The following TRIM66 variants were observed in gnomAD, a reference collection of about 807,000 sequenced individuals.
The protein encoded by TRIM66 is tripartite motif-containing protein 66.
A neutral mutation model predicts 148.2 loss-of-function variants in TRIM66; 99 were observed. That is an observed-to-expected ratio of 0.67 (90% confidence interval 0.57 to 0.79). TRIM66 has a LOEUF of 0.79. Among genes scored for constraint, TRIM66 ranks in the 30% least tolerant of loss-of-function variants. The probability of loss-of-function intolerance (pLI) is 0.00; values close to 1 mark genes in which losing one functional copy is unlikely to be tolerated. For synonymous variants in TRIM66, 616 were observed against 635.9 expected (o/e 0.97, Z 0.47); for missense variants, 1,666 against 1,697.9 (o/e 0.98, Z 0.33).
At chr11:8,632,735 C>T (rs1319980098) in intron 15 of TRIM66, among the ~76,000 whole-genome samples, 1 of 152,146 alleles carries the variant, frequency 6.6e-6, no homozygotes, top group Non-Finnish European at 1.5e-5. Context: ...TGTGGGATTA[C>T]AGGTGTAAGC....
rs981828834 is a variant in TRIM66, at chr11:8,614,698, T to C, written c.*3246A>G. On this transcript the variant is annotated 3_prime_UTR_variant, in exon 25 of 25. Transcript: ENST00000646038. Reference sequence around the variant, plus strand: ...AGGAACAAACAAGGAGGCGCCTCCGTCTTAGCAGCCAGGCAAGGAGCTGTT... The same window carrying C: ...AGGAACAAACAAGGAGGCGCCTCCGCCTTAGCAGCCAGGCAAGGAGCTGTT... 2 of 152,668 alleles carry C rather than the reference T, an allele frequency of 1.3e-5. No homozygotes were observed. Among genetic ancestry groups the C allele is most frequent in the African/African-American group, 4.8e-5 (2 of 41,456 alleles). 9.5% of individuals were successfully genotyped at this position (152,668 alleles called of 1,614,324 possible). A position where few individuals can be genotyped will look rare whatever the true frequency, so the allele number is the denominator to read the frequency against.
intron 6 of TRIM66, 162 bp downstream of exon 6, chr11:8,671,624 A>G: frequency 1.7e-6 from 1 of 596,028 alleles, no homozygotes; most frequent in East Asian, 2.8e-5. Context: ...CATCAAGAGG[A>G]TTCACTCTGT....
chr11:8,668,713 G>A (rs1448594847), intron 6 of TRIM66, among the ~76,000 whole-genome samples: 1 of 151,962 alleles, frequency 6.6e-6, no homozygotes, highest in Non-Finnish European at 1.5e-5. Flanking sequence ...AGCCTCCCGA[G>A]TAGCTGGGAT....
Position 8,621,157 on chromosome 11 carries a change from TG to T in TRIM66, c.3419del (p.Pro1140GlnfsTer4). The T allele has an allele frequency of 1.3e-6, 2 of 1,551,660 alleles. No individual in the cohort carries two copies. The highest frequency in any genetic ancestry group is 1.7e-6 in the Non-Finnish European group (2 of 1,146,976). On this transcript the variant is annotated frameshift_variant, in exon 20 of 25. Transcript: ENST00000646038. LOFTEE classifies it high-confidence loss of function. ...PRTPGAKKGP[P>X]APIENEDFCA... Reference sequence around the variant, plus strand: ...AGAAGTCCTCATTCTCTATTGGGGCTGGGGGGCCCTTCTTGGCTCCTGGGGT... The same window carrying T: ...AGAAGTCCTCATTCTCTATTGGGGCTGGGGGCCCTTCTTGGCTCCTGGGGT...
intron 18 of TRIM66, 94 bp downstream of exon 18, chr11:8,622,722 T>C (rs1419426287): frequency 1.7e-6 from 2 of 1,194,894 alleles, no homozygotes; most frequent in Non-Finnish European, 2.4e-6. Context: ...TTTCTTCCAC[T>C]TGTAGTTAAT....
intron 6 of TRIM66, among the ~76,000 whole-genome samples, chr11:8,666,544 T>C (rs558250828): frequency 4.6e-5 from 7 of 152,120 alleles, no homozygotes; most frequent in African/African-American, 1.4e-4. Context: ...AAACGAGGCA[T>C]AGTACAGAAG....
chr11:8,621,004 G>T, intron 20 of TRIM66, 28 bp downstream of exon 20: 1 of 1,543,720 alleles, frequency 6.5e-7, no homozygotes, highest in Non-Finnish European at 8.8e-7. Context: ...TACTAGCCAG[G>T]TGATGGTCCT....
intron 11 of TRIM66, 42 bp downstream of exon 11, chr11:8,646,405 G>T: frequency 6.6e-7 from 1 of 1,506,722 alleles, no homozygotes; most frequent in Non-Finnish European, 9.0e-7. Context: ...ATATATGGAT[G>T]GTTTCTGAAC....
rs1000855321 is a variant in TRIM66, at chr11:8,618,821, T to C, written c.4048A>G (p.Thr1350Ala). 7 of 1,550,558 alleles carry C rather than the reference T, an allele frequency of 4.5e-6. No homozygotes were observed. The African/African-American group carries it at 5.5e-5, about 12-fold the overall frequency. ...EEVSSESGCS[T>A]PQGFPWPPYM... ...GGAGGCCACGGGAAGCCCTGGGGAG[T>C]GGAACATCCACTCTCACTAGACACC... Residue 1350 changes from threonine to alanine, a missense_variant, in exon 24 of 25, where the codon ACT becomes GCT. By Grantham distance (58) the Thr-to-Ala change is moderately conservative (BLOSUM62 0). Transcript: ENST00000646038.
chr11:8,621,435 G>C (rs1036773751), intron 19 of TRIM66, 114 bp from the exon 20 acceptor site: 1 of 1,399,422 alleles, frequency 7.1e-7, no homozygotes, highest in Non-Finnish European at 9.4e-7. Flanking sequence ...CTTATTCCAG[G>C]ACCCCAAGCC....
chr11:8,647,004 T>C lies in TRIM66; in HGVS notation c.843-443A>G, dbSNP rs138326262. 6.6e-3 allele frequency among the ~76,000 whole-genome samples: 1,001 copies of C among 150,798 alleles called. 6 individuals carry two copies. The highest frequency in any genetic ancestry group is 0.036 in the Middle Eastern group (10 of 280). ...AATGGAGAGTGACTAATAATGTTTA[T>C]ATTATTGGCATAATAACATATTATA... On this transcript the variant is annotated intron_variant, in intron 10 of 24. Transcript: ENST00000646038.
At chr11:8,643,890 C>G (rs1184113852) in intron 12 of TRIM66, among the ~76,000 whole-genome samples, 2 of 152,180 alleles carry the variant, frequency 1.3e-5, no homozygotes, top group Non-Finnish European at 2.9e-5. Context: ...TCCTATTTAT[C>G]CAGGGCTTTG....
chr11:8,671,841 C>G lies in TRIM66; in HGVS notation c.285G>C (p.Gln95His). The G allele has an allele frequency of 2.0e-6, 3 of 1,533,386 alleles. No individual in the cohort carries two copies. The highest frequency in any genetic ancestry group is 2.6e-6 in the Non-Finnish European group (3 of 1,144,362). 95.0% of individuals were successfully genotyped at this position (1,533,386 alleles called of 1,614,324 possible). Residue 95 changes from glutamine (Q) to histidine (H), a missense_variant, in exon 6 of 25, where the codon CAG (glutamine) becomes CAC (histidine). By Grantham distance (24) the Gln-to-His change is conservative (BLOSUM62 0). Around this residue, in one of 3 missense-constraint regions of TRIM66, gnomAD observed 1,431 missense variants for 1,412.4 expected, o/e 1.01. Transcript: ENST00000646038. The stretch of plus-strand genomic sequence containing the variant: ...TCTGCCCTAGCTCCTGTATCAAGCC[C>G]TGGAAGCAGTCCTTACGGAGCAAAT... ...CQHLLRKDCF[Q>H]GLIQELGQIA...
At chr11:8,658,968 T>C in intron 6 of TRIM66, 1 of 219,672 alleles carries the variant, frequency 4.6e-6, no homozygotes, top group Non-Finnish European at 7.7e-6. Context: ...GACACACATT[T>C]ACGATGCACA....
chr11:8,661,996 T>C (rs1360190669), intron 6 of TRIM66, among the ~76,000 whole-genome samples: 1 of 152,158 alleles, frequency 6.6e-6, no homozygotes, highest in Non-Finnish European at 1.5e-5. Context: ...CTCCCAGTAA[T>C]GGGTCCTGTT....
chr11:8,618,674 C>T, intron 24 of TRIM66, 76 bp downstream of exon 24: 1 of 1,358,984 alleles, frequency 7.4e-7, no homozygotes, highest in Non-Finnish European at 1.0e-6. Flanking sequence ...AACAGCTTCA[C>T]CTTAGGTTCT....
intron 18 of TRIM66, 25 bp from the exon 19 acceptor site, chr11:8,621,844 G>C: frequency 1.3e-6 from 2 of 1,512,856 alleles, no homozygotes; most frequent in Non-Finnish European, 1.8e-6. Context: ...ACACCCCGGG[G>C]TCTTGGTGGG....
chr11:8,625,293 G>C, intron 15 of TRIM66, 65 bp from the exon 16 acceptor site: 7 of 1,432,876 alleles, frequency 4.9e-6, no homozygotes, highest in Middle Eastern at 2.6e-4. Flanking sequence ...GGGAGAGGAG[G>C]GACCCAACCC....
At chr11:8,642,976 T>G (rs1352726930) in intron 13 of TRIM66, 33 bp downstream of exon 13, 2 of 1,480,504 alleles carry the variant, frequency 1.4e-6, no homozygotes, top group Non-Finnish European at 1.8e-6. Flanking sequence ...GCCCACAGGG[T>G]GGGTAGGCCT....
Sources: allele counts gnomAD v4.1 joint callset (sites outside exome capture counted in the v4.1 genomes callset), GRCh38; gene constraint gnomAD v4.1.1; regional missense constraint gnomAD v4.1.1; transcripts MANE v1.5; gene names NCBI Gene and HGNC (gene_info 2026-07-23, HGNC 2026-07-21).